Variants in TTC27 observed in about 807,000 individuals in gnomAD.
TTC27 encodes tetratricopeptide repeat domain 27.
TTC27 carries 79 observed loss-of-function variants against 115.9 expected under a neutral mutation model. The observed-to-expected ratio is 0.68, with a 90% CI of 0.57 to 0.82. TTC27 has a LOEUF of 0.82. Among genes scored for constraint, TTC27 ranks in the 40% least tolerant of loss-of-function variants. The pLI, the probability that TTC27 is intolerant of heterozygous loss-of-function variation, is 0.00. For missense variants in TTC27, 1,054 were observed against 993.1 expected (o/e 1.06, Z -0.82); for synonymous variants, 401 against 356.0 (o/e 1.13, Z -1.42).
chr2:32,809,393 G>A (rs570069378), intron 16 of TTC27, among the ~76,000 whole-genome samples: 12 of 152,316 alleles, frequency 7.9e-5, no homozygotes, highest in South Asian at 4.1e-4. Context: ...TGCAGTTCAC[G>A]GTAAAATTAA....
chr2:32,791,663 T>G lies in TTC27; in HGVS notation c.1998+4514T>G, dbSNP rs1213444832. Among the ~76,000 whole-genome samples the G allele has an allele frequency of 1.3e-5, 2 of 152,134 alleles. 1 individual carries two copies. The highest frequency in any genetic ancestry group is 2.9e-5 in the Non-Finnish European group (2 of 68,032). The stretch of plus-strand genomic sequence containing the variant: ...TCAAAAGCACATTTTCCCATCATAT[T>G]AATGTGCTTGTGAACTATACCTAAC... On this transcript the variant is annotated intron_variant, in intron 16 of 19. Coordinates refer to ENST00000317907, the MANE Select transcript of TTC27 (RefSeq NM_017735.5).
chr2:32,745,583 A>T (rs1164712363), intron 12 of TTC27, among the ~76,000 whole-genome samples: 2 of 152,174 alleles, frequency 1.3e-5, no homozygotes, highest in Non-Finnish European at 2.9e-5. Flanking sequence ...TGGGAGTTTA[A>T]TGACCTAAAT....
At chr2:32,656,812 C>A (rs533320349) in intron 5 of TTC27, among the ~76,000 whole-genome samples, 1 of 152,012 alleles carries the variant, frequency 6.6e-6, no homozygotes, top group African/African-American at 2.4e-5. Context: ...TTATGGGTTT[C>A]CCCCTCTGCT....
chr2:32,787,114 C>A lies in TTC27; in HGVS notation c.1963C>A (p.Leu655Ile), dbSNP rs1435097182. Residue 655 changes from leucine to isoleucine, a missense_variant, in exon 16 of 20, where the codon CTC becomes ATC. Transcript: ENST00000317907. Reference sequence around the variant, plus strand: ...AGAAGCCATTAAAGCTTATCACCGGCTCTTGGACTTACGTGACAAATACAA... The same window carrying A: ...AGAAGCCATTAAAGCTTATCACCGGATCTTGGACTTACGTGACAAATACAA... ...FSEAIKAYHRLLDLRDKYKDV... is the reference protein window; with the variant it reads ...FSEAIKAYHRILDLRDKYKDV... 6.2e-7 allele frequency: 1 copy of A among 1,613,438 alleles called. No homozygotes were observed. Among genetic ancestry groups the A allele is most frequent in the South Asian group, 1.1e-5 (1 of 90,804 alleles).
At chr2:32,649,035 A>T (rs1027530185) in intron 4 of TTC27, among the ~76,000 whole-genome samples, 2 of 152,136 alleles carry the variant, frequency 1.3e-5, no homozygotes, top group Non-Finnish European at 1.5e-5. Context: ...AAAAAATAAA[A>T]AAAAGCAGTT....
intron 13 of TTC27, among the ~76,000 whole-genome samples, chr2:32,761,035 A>G (rs185286908): frequency 1.9e-4 from 28 of 150,034 alleles, no homozygotes; most frequent in African/African-American, 5.9e-4. Context: ...TTTTATTTTC[A>G]CTCCTGTTTT....
intron 16 of TTC27, among the ~76,000 whole-genome samples, chr2:32,792,145 G>A (rs1452619978): frequency 1.3e-5 from 2 of 152,128 alleles, no homozygotes; most frequent in Non-Finnish European, 2.9e-5. Context: ...GCATATTGAG[G>A]TTGTCCTTTG....
intron 16 of TTC27, among the ~76,000 whole-genome samples, chr2:32,810,492 G>A (rs750049017): frequency 3.9e-5 from 6 of 152,178 alleles, no homozygotes; most frequent in Non-Finnish European, 8.8e-5. Flanking sequence ...TGATGCTCAG[G>A]TTATTGGCTT....
At chr2:32,800,828 C>G (rs1295429390) in intron 16 of TTC27, among the ~76,000 whole-genome samples, 1 of 152,116 alleles carries the variant, frequency 6.6e-6, no homozygotes, top group Non-Finnish European at 1.5e-5. Context: ...TAGCTCCTCT[C>G]ATCATCATTG....
intron 16 of TTC27, among the ~76,000 whole-genome samples, chr2:32,801,415 C>A (rs1384261730): frequency 6.6e-6 from 1 of 152,164 alleles, no homozygotes; most frequent in Non-Finnish European, 1.5e-5. Context: ...ACCCTAACTC[C>A]AATCACTGCC....
chr2:32,733,311 GGT>G (rs1004667508), intron 10 of TTC27, among the ~76,000 whole-genome samples: 6 of 152,202 alleles, frequency 3.9e-5, no homozygotes, highest in African/African-American at 9.7e-5. Flanking sequence ...CTGTATAGAT[GGT>G]CTCACATGAG....
intron 18 of TTC27, among the ~76,000 whole-genome samples, chr2:32,816,434 GAATTTAGTGAGCAT>G (rs1392290819): frequency 1.3e-5 from 2 of 152,178 alleles, no homozygotes; most frequent in Admixed American, 1.3e-4. Context: ...TGGTCTGTTT[GAATTTAGTGAGCAT>G]AATTTAGGGA....
chr2:32,787,699 C>T (rs963562081), intron 16 of TTC27, among the ~76,000 whole-genome samples: 1 of 152,008 alleles, frequency 6.6e-6, no homozygotes, highest in Non-Finnish European at 1.5e-5. Flanking sequence ...TAAAAAAGAC[C>T]ATTTTGGTTT....
At chr2:32,656,813 C>T (rs910710085) in intron 5 of TTC27, among the ~76,000 whole-genome samples, 4 of 151,978 alleles carry the variant, frequency 2.6e-5, no homozygotes, top group African/African-American at 9.7e-5. Flanking sequence ...TATGGGTTTC[C>T]CCCTCTGCTA....
chr2:32,696,570 A>G (rs1248499282), intron 9 of TTC27, among the ~76,000 whole-genome samples: 1 of 152,134 alleles, frequency 6.6e-6, no homozygotes, highest in Non-Finnish European at 1.5e-5. Context: ...CTAGGATTAC[A>G]GGCATGAGCC....
intron 11 of TTC27, among the ~76,000 whole-genome samples, chr2:32,736,007 G>A (rs1668440972): frequency 6.6e-6 from 1 of 152,090 alleles, no homozygotes; most frequent in Non-Finnish European, 1.5e-5. Flanking sequence ...GAACAACACA[G>A]CTCTCTCTAA....
At chr2:32,730,006 C>T (rs1022922536) in intron 10 of TTC27, among the ~76,000 whole-genome samples, 2 of 152,140 alleles carry the variant, frequency 1.3e-5, no homozygotes, top group African/African-American at 2.4e-5. Context: ...TGAAAGCTTG[C>T]GAGGTACTTC....
intron 3 of TTC27, among the ~76,000 whole-genome samples, chr2:32,635,017 G>T (rs1029708291): frequency 3.3e-5 from 5 of 152,232 alleles, no homozygotes; most frequent in Admixed American, 6.5e-5. Context: ...GCTCCCAGGG[G>T]TGGCTTTAAA....
At chr2:32,805,722 A>G (rs953427588) in intron 16 of TTC27, among the ~76,000 whole-genome samples, 1 of 152,256 alleles carries the variant, frequency 6.6e-6, no homozygotes, top group Non-Finnish European at 1.5e-5. Context: ...CACTTCCAAC[A>G]GAGTAAGGTA....
Sources: gnomAD v4.1 joint callset for allele counts (sites outside exome capture counted in the v4.1 genomes callset) on GRCh38, gnomAD v4.1.1 for gene constraint, MANE v1.5 for transcripts, NCBI Gene and HGNC (gene_info 2026-07-23, HGNC 2026-07-21) for gene names.